MAGI2: variants seen among roughly 807,000 people sequenced by gnomAD.
MAGI2 encodes the protein membrane associated guanylate kinase, WW and PDZ domain containing 2, also known as membrane-associated guanylate kinase, WW and PDZ domain-containing protein 2.
A neutral mutation model predicts 133.3 loss-of-function variants in MAGI2; 35 were observed. That is an observed-to-expected ratio of 0.26 (90% confidence interval 0.20 to 0.35). The LOEUF is 0.35. MAGI2 is among the 10% of genes least tolerant of loss of function. The pLI, the probability that MAGI2 is intolerant of heterozygous loss-of-function variation, is 1.00. For synonymous variants in MAGI2, 729 were observed against 710.6 expected, an observed-to-expected ratio of 1.03 and a Z score of -0.41; for missense variants, 1,636 against 1,863.4, an observed-to-expected ratio of 0.88 and a Z score of 2.25.
chr7:78,022,932 T>C (rs924147654), intron 21 of MAGI2, among the ~76,000 whole-genome samples: 5 of 152,208 alleles, frequency 3.3e-5, no homozygotes, highest in African/African-American at 9.6e-5. Flanking sequence ...AAAACTAAAA[T>C]GTTCCAAGTC....
At chr7:78,173,470 C>A (rs554381942) in intron 14 of MAGI2, among the ~76,000 whole-genome samples, 20 of 152,240 alleles carry the variant, frequency 1.3e-4, no homozygotes, top group Admixed American at 9.8e-4. Context: ...TGGCTTCCCC[C>A]CAAAGCAGAC....
At chr7:79,043,303 G>T (rs921228813) in intron 1 of MAGI2, among the ~76,000 whole-genome samples, 2 of 151,900 alleles carry the variant, frequency 1.3e-5, no homozygotes, top group African/African-American at 4.8e-5. Flanking sequence ...CCAGCACTTT[G>T]GGAGGCTGAG....
At chr7:78,404,055 C>T (rs1027057020) in intron 6 of MAGI2, among the ~76,000 whole-genome samples, 18 of 152,122 alleles carry the variant, frequency 1.2e-4, no homozygotes, top group Middle Eastern at 3.2e-3. Context: ...TTAGTGAATT[C>T]CCATTCACAA....
chr7:78,721,103 A>T (rs2151200047), intron 2 of MAGI2, among the ~76,000 whole-genome samples: 1 of 152,166 alleles, frequency 6.6e-6, no homozygotes, highest in South Asian at 2.1e-4. Context: ...CAGTGCTTAA[A>T]CCAATATTAC....
intron 2 of MAGI2, among the ~76,000 whole-genome samples, chr7:78,675,988 C>T (rs1440604965): frequency 2.6e-5 from 4 of 152,022 alleles, no homozygotes; most frequent in African/African-American, 9.7e-5. Flanking sequence ...TCCTAAAACA[C>T]CATTTAAAAG....
intron 1 of MAGI2, among the ~76,000 whole-genome samples, chr7:79,163,734 G>A: frequency 6.6e-6 from 1 of 151,972 alleles, no homozygotes; most frequent in South Asian, 2.1e-4. Flanking sequence ...TGCTTGGGTT[G>A]TTTACTGCCC....
chr7:79,406,465 A>G (rs911067208), intron 1 of MAGI2, among the ~76,000 whole-genome samples: 1 of 152,228 alleles, frequency 6.6e-6, no homozygotes, highest in East Asian at 1.9e-4. Flanking sequence ...CTAGGCAGTC[A>G]TTGCCTATCA....
chr7:78,196,911 G>C (rs73703727), intron 11 of MAGI2, among the ~76,000 whole-genome samples: 135 of 152,326 alleles, frequency 8.9e-4, no homozygotes, highest in African/African-American at 3.1e-3. Context: ...GCATAGAGAG[G>C]GTAAGTGGCT....
chr7:79,134,526 A>C (rs1023575722), intron 1 of MAGI2, among the ~76,000 whole-genome samples: 1 of 152,162 alleles, frequency 6.6e-6, no homozygotes, highest in Non-Finnish European at 1.5e-5. Context: ...CATCATCTCA[A>C]CTGGAAATTC....
At chr7:79,333,395 G>A (rs913349082) in intron 1 of MAGI2, among the ~76,000 whole-genome samples, 1 of 152,030 alleles carries the variant, frequency 6.6e-6, no homozygotes, top group Non-Finnish European at 1.5e-5. Context: ...CAAAGTGCTG[G>A]GATTACAGGC....
Position 78,019,439 on chromosome 7 carries a change from C to T in MAGI2, c.4244G>A (p.Gly1415Asp). The T allele has an allele frequency of 1.3e-5, 13 of 999,746 alleles. No individual in the cohort carries two copies. The highest frequency in any genetic ancestry group is 1.5e-5 in the Non-Finnish European group (13 of 841,318). 61.9% of individuals were successfully genotyped at this position (999,746 alleles called of 1,614,324 possible). The change falls in exon 22 of 22, where the codon GGC becomes GAC. Residue 1415 changes from glycine (G) to aspartate (D), a missense_variant. Physicochemically the swap from Gly to Asp is moderately conservative, Grantham distance 94. Around this residue, in one of 5 missense-constraint regions of MAGI2, gnomAD observed 354 missense variants for 298.7 expected, o/e 1.19. Coordinates refer to ENST00000354212, the MANE Select transcript of MAGI2 (RefSeq NM_012301.4). ...CGGGGCGCCCCCCGGGGGTCGCGGG[C>T]CCGGCCGGGGACCCGCGCGCGCACC... Reference protein sequence around the residue: ...RAGARAGPRPGPRPPGGAPAR... With the variant: ...RAGARAGPRPDPRPPGGAPAR...
chr7:78,439,377 CCT>C lies in MAGI2; in HGVS notation c.1045+50382_1045+50383del, dbSNP rs1787371094. On this transcript the variant is annotated intron_variant, in intron 6 of 21. Transcript: ENST00000354212. ...GATGGTGCCCAGAGTAATTACAGTGCCTAACTGTGTAAATAGTAATTTTATGT... is the reference window on the plus strand; with the variant it reads ...GATGGTGCCCAGAGTAATTACAGTGCAACTGTGTAAATAGTAATTTTATGT... 2.0e-5 allele frequency among the ~76,000 whole-genome samples: 3 copies of C among 151,726 alleles called. No individual in the cohort carries two copies. In the South Asian group the frequency reaches 6.2e-4, roughly 31 times the overall value.
At chr7:79,011,400 T>G (rs1005658881) in intron 1 of MAGI2, among the ~76,000 whole-genome samples, 1 of 152,176 alleles carries the variant, frequency 6.6e-6, no homozygotes, top group African/African-American at 2.4e-5. Context: ...AATGCCACTC[T>G]TTCAAAATTT....
At chr7:78,069,405 C>A (rs1004768353) in intron 21 of MAGI2, among the ~76,000 whole-genome samples, 2 of 151,864 alleles carry the variant, frequency 1.3e-5, no homozygotes, top group East Asian at 1.9e-4. Flanking sequence ...ATGTGGAGAG[C>A]GAGAGGGAAT....
chr7:78,179,328 C>A (rs938272752), intron 13 of MAGI2, among the ~76,000 whole-genome samples: 1 of 152,212 alleles, frequency 6.6e-6, no homozygotes, highest in Admixed American at 6.5e-5. Flanking sequence ...CATGATTATA[C>A]AGTAGCACTC....
chr7:79,161,880 T>A (rs1264331258), intron 1 of MAGI2, among the ~76,000 whole-genome samples: 1 of 152,120 alleles, frequency 6.6e-6, no homozygotes, highest in African/African-American at 2.4e-5. Context: ...GGTTATTTTA[T>A]CGAGGCTTAG....
At chr7:79,319,588 C>T (rs1839014520) in intron 1 of MAGI2, among the ~76,000 whole-genome samples, 1 of 152,098 alleles carries the variant, frequency 6.6e-6, no homozygotes, top group African/African-American at 2.4e-5. Flanking sequence ...ATCATCTCAA[C>T]CCTTGAATTT....
At chr7:78,311,753 T>C (rs1298634233) in intron 9 of MAGI2, among the ~76,000 whole-genome samples, 1 of 152,088 alleles carries the variant, frequency 6.6e-6, no homozygotes, top group African/African-American at 2.4e-5. Context: ...ATATGCAAAC[T>C]TATGACACTT....
chr7:78,374,104 G>C (rs1794206452), intron 6 of MAGI2, among the ~76,000 whole-genome samples: 1 of 152,080 alleles, frequency 6.6e-6, no homozygotes, highest in African/African-American at 2.4e-5. Context: ...GTTTTCTTTT[G>C]GGTGTATACC....
Sources: allele counts gnomAD v4.1 joint callset (sites outside exome capture counted in the v4.1 genomes callset), GRCh38; gene constraint gnomAD v4.1.1; regional missense constraint gnomAD v4.1.1; transcripts MANE v1.5; gene names NCBI Gene and HGNC (gene_info 2026-07-23, HGNC 2026-07-21).